Variants in EXOC6B observed in about 807,000 individuals in gnomAD.
EXOC6B encodes the protein exocyst complex component 6B.
In EXOC6B, 54 loss-of-function variants were observed where a neutral mutation model predicts 113.5. The ratio of observed to expected loss-of-function variants is 0.48; its 90% CI spans 0.38 to 0.60. The LOEUF is 0.60. Among genes scored for constraint, EXOC6B ranks in the 20% least tolerant of loss-of-function variants. The pLI is 0.00. For synonymous variants in EXOC6B, 357 were observed against 339.0 expected (o/e 1.05, Z -0.58); for missense variants, 797 against 977.5 (o/e 0.82, Z 2.46).
chr2:72,574,308 A>G (rs761596500), intron 7 of EXOC6B, among the ~76,000 whole-genome samples: 11 of 152,186 alleles, frequency 7.2e-5, no homozygotes, highest in Non-Finnish European at 1.3e-4. Context: ...ATAGAGATAC[A>G]TAACAGAAGT....
intron 18 of EXOC6B, among the ~76,000 whole-genome samples, chr2:72,390,460 T>C (rs1692305246): frequency 6.6e-6 from 1 of 152,208 alleles, no homozygotes; most frequent in African/African-American, 2.4e-5. Context: ...TCTTGGCATA[T>C]CTAGCAAATT....
At chr2:72,782,811 C>T (rs1398342412) in intron 1 of EXOC6B, among the ~76,000 whole-genome samples, 1 of 152,168 alleles carries the variant, frequency 6.6e-6, no homozygotes, top group Non-Finnish European at 1.5e-5. Flanking sequence ...ATTCACTCAA[C>T]AAAATGACAT....
At chr2:72,775,747 G>A (rs569176971) in intron 1 of EXOC6B, among the ~76,000 whole-genome samples, 14 of 152,312 alleles carry the variant, frequency 9.2e-5, no homozygotes, top group Non-Finnish European at 1.3e-4. Flanking sequence ...GGCAGAATTA[G>A]TGATGGGGAA....
In EXOC6B at chr2:72,184,125, G is replaced by A. The variant is rs1678268179; in HGVS notation, c.2259C>T (p.Asn753=). Residue 753 remains asparagine (N), a synonymous_variant, in exon 21 of 22, where the codon AAC becomes AAT. Transcript: ENST00000272427. ...STYLADYGQP[N]CKYLRVNPVT... is the part of the protein sequence containing the mutation. ...CTGGGTTTACCCGGAGGTACTTGCA[G>A]TTGGGCTGACCATAGTCAGCAAGGT... The A allele has an allele frequency of 6.4e-7, 1 of 1,566,306 alleles. No individual in the cohort carries two copies.
chr2:72,449,846 T>C (rs1167635889), intron 18 of EXOC6B, among the ~76,000 whole-genome samples: 1 of 152,164 alleles, frequency 6.6e-6, no homozygotes, highest in East Asian at 1.9e-4. Flanking sequence ...TCTAGTCTAA[T>C]ACTCTGTCCG....
chr2:72,630,118 A>T (rs1573516232), intron 6 of EXOC6B, among the ~76,000 whole-genome samples: 1 of 152,170 alleles, frequency 6.6e-6, no homozygotes, highest in East Asian at 1.9e-4. Flanking sequence ...CCAGAGGTAA[A>T]CATTCAGGAC....
At chr2:72,632,862 G>A (rs781654655) in intron 6 of EXOC6B, among the ~76,000 whole-genome samples, 1 of 151,918 alleles carries the variant, frequency 6.6e-6, no homozygotes, top group African/African-American at 2.4e-5. Context: ...GTTAATATTT[G>A]ATAGAGTTTG....
intron 20 of EXOC6B, among the ~76,000 whole-genome samples, chr2:72,189,972 C>T (rs1397229692): frequency 6.7e-6 from 1 of 149,950 alleles, no homozygotes; most frequent in African/African-American, 2.5e-5. Flanking sequence ...CCTCAGCCTC[C>T]CGAGTAGCTG....
intron 19 of EXOC6B, among the ~76,000 whole-genome samples, chr2:72,362,096 G>A (rs4494772): frequency 6.6e-6 from 1 of 152,266 alleles, no homozygotes; most frequent in East Asian, 1.9e-4. Flanking sequence ...GAAGGCTTTA[G>A]AAGCCCGTGT....
At chr2:72,225,285 C>CT (rs766924364) in intron 20 of EXOC6B, among the ~76,000 whole-genome samples, 11 of 152,104 alleles carry the variant, frequency 7.2e-5, no homozygotes, top group Non-Finnish European at 1.3e-4. Flanking sequence ...AATAACAAGT[C>CT]TAACAACAGT....
Position 72,804,383 on chromosome 2 carries a change from C to T in EXOC6B, c.113+21415G>A, listed in dbSNP as rs114735313. The stretch of plus-strand genomic sequence containing the variant: ...CTTCCTAGAGCGCATAGGAAAATGA[C>T]GGATCTGCTTATTAGTAAATCATTA... On this transcript the variant is annotated intron_variant, in intron 1 of 21. Coordinates refer to ENST00000272427, the MANE Select transcript of EXOC6B (RefSeq NM_015189.3). Among the ~76,000 whole-genome samples the T allele has an allele frequency of 7.6e-3, 1,153 of 152,162 alleles. 11 individuals carry two copies. The highest frequency in any genetic ancestry group is 0.011 in the Non-Finnish European group (723 of 68,002).
At chr2:72,590,489 AC>A (rs1365642167) in intron 6 of EXOC6B, among the ~76,000 whole-genome samples, 1 of 151,998 alleles carries the variant, frequency 6.6e-6, no homozygotes, top group Non-Finnish European at 1.5e-5. Flanking sequence ...ACATATAACA[AC>A]AAAAAATGGC....
At chr2:72,239,456 T>C (rs1682168652) in intron 20 of EXOC6B, among the ~76,000 whole-genome samples, 1 of 152,238 alleles carries the variant, frequency 6.6e-6, no homozygotes, top group African/African-American at 2.4e-5. Flanking sequence ...CACTGAATTG[T>C]CTTTGCATAC....
intron 19 of EXOC6B, among the ~76,000 whole-genome samples, chr2:72,362,237 G>C (rs556181789): frequency 6.6e-6 from 1 of 152,180 alleles, no homozygotes; most frequent in East Asian, 1.9e-4. Context: ...ATGGATCCTG[G>C]GAAATGATGG....
At chr2:72,653,193 T>C (rs1287717461) in intron 6 of EXOC6B, among the ~76,000 whole-genome samples, 2 of 151,394 alleles carry the variant, frequency 1.3e-5, no homozygotes, top group Non-Finnish European at 2.9e-5. Flanking sequence ...TAAGAAAATG[T>C]GGCACATATA....
intron 6 of EXOC6B, among the ~76,000 whole-genome samples, chr2:72,641,966 C>G (rs1292162446): frequency 6.6e-6 from 1 of 152,238 alleles, no homozygotes; most frequent in Non-Finnish European, 1.5e-5. Flanking sequence ...GGACCTCCAG[C>G]AAACTCTAAC....
chr2:72,373,797 C>T (rs968787015), intron 19 of EXOC6B, among the ~76,000 whole-genome samples: 1 of 152,094 alleles, frequency 6.6e-6, no homozygotes, highest in Non-Finnish European at 1.5e-5. Context: ...AAAAGGAAAC[C>T]TTCATATACT....
chr2:72,530,865 C>G (rs182490722), intron 8 of EXOC6B, among the ~76,000 whole-genome samples: 1 of 151,982 alleles, frequency 6.6e-6, no homozygotes, highest in Non-Finnish European at 1.5e-5. Flanking sequence ...CCTCTGATGT[C>G]TACTTCATTT....
intron 1 of EXOC6B, among the ~76,000 whole-genome samples, chr2:72,822,527 T>G (rs555348908): frequency 6.6e-6 from 1 of 152,104 alleles, no homozygotes; most frequent in African/African-American, 2.4e-5. Flanking sequence ...CCACTGTGAC[T>G]CCTCAAACAA....
Sources: gnomAD v4.1 joint callset for allele counts (sites outside exome capture counted in the v4.1 genomes callset) on GRCh38, gnomAD v4.1.1 for gene constraint, MANE v1.5 for transcripts, NCBI Gene and HGNC (gene_info 2026-07-23, HGNC 2026-07-21) for gene names.